Variants in KIT observed in about 807,000 individuals in gnomAD.
KIT encodes mast/stem cell growth factor receptor Kit.
In KIT, 16 loss-of-function variants were observed where a neutral mutation model predicts 105.7. That is an observed-to-expected ratio of 0.15 (90% CI 0.10 to 0.23). The LOEUF is 0.23. KIT is among the 10% of genes least tolerant of loss of function. KIT has a pLI of 1.00. For missense variants in KIT, 858 were observed against 1,213.8 expected (o/e 0.71, Z 4.36); for synonymous variants, 438 against 441.1 (o/e 0.99, Z 0.09).
At chr4:54,702,283 G>C (rs1430573303) in intron 4 of KIT, among the ~76,000 whole-genome samples, 2 of 151,744 alleles carry the variant, frequency 1.3e-5, no homozygotes, top group Non-Finnish European at 2.9e-5. Flanking sequence ...AAATAAAAAA[G>C]GTAAAATTGA....
intron 7 of KIT, among the ~76,000 whole-genome samples, chr4:54,715,388 G>C (rs1038151988): frequency 8.1e-4 from 112 of 138,760 alleles, no homozygotes; most frequent in African/African-American, 2.6e-3. Flanking sequence ...AAAAAAAAAT[G>C]CCCGGGGCTG....
intron 1 of KIT, 57 bp downstream of exon 1, chr4:54,658,138 G>A (rs953042257): frequency 1.3e-6 from 2 of 1,542,586 alleles, no homozygotes; most frequent in Non-Finnish European, 1.8e-6. Context: ...GCCTGTGCCT[G>A]GGAGGGTGGT....
At chr4:54,683,831 C>G (rs1719116945) in intron 1 of KIT, among the ~76,000 whole-genome samples, 1 of 152,146 alleles carries the variant, frequency 6.6e-6, no homozygotes, top group Non-Finnish European at 1.5e-5. Flanking sequence ...GAATTGGGAA[C>G]TGGTGGAAGG....
At chr4:54,715,857 G>C (rs890859260) in intron 7 of KIT, among the ~76,000 whole-genome samples, 2 of 152,130 alleles carry the variant, frequency 1.3e-5, no homozygotes, top group Admixed American at 1.3e-4. Flanking sequence ...CCTTTATCCA[G>C]AGTAAAATAA....
rs1723056214 is a variant in KIT, at chr4:54,738,484, A to G, written c.2858A>G (p.His953Arg). 6.2e-7 allele frequency: 1 copy of G among 1,614,100 alleles called. No homozygotes were observed. Among genetic ancestry groups the G allele is most frequent in the Non-Finnish European group, 8.5e-7 (1 of 1,179,978 alleles). The change falls in exon 21 of 21, where the codon CAT becomes CGT. Residue 953 changes from histidine (H) to arginine (R), a missense_variant. Physicochemically the swap from His to Arg is conservative, Grantham distance 29. This residue lies in a region of KIT where 105 missense variants were observed against 103.5 expected (regional missense o/e 1.01). Coordinates refer to ENST00000288135, the MANE Select transcript of KIT (RefSeq NM_000222.3). Reference protein sequence around the residue: ...SPNRQKPVVDHSVRINSVGST... With the variant: ...SPNRQKPVVDRSVRINSVGST... ...AACCGACAGAAGCCCGTGGTAGACC[A>G]TTCTGTGCGGATCAATTCTGTCGGC...
At position 54,657,973 on chromosome 4, in the gene KIT, T is replaced by C. The variant is rs1716929839; in HGVS notation, c.-42T>C. The C allele has an allele frequency of 2.5e-6, 4 of 1,604,610 alleles. No individual in the cohort carries two copies. The highest frequency in any genetic ancestry group is 3.4e-6 in the Non-Finnish European group (4 of 1,172,720). Reference sequence around the variant, plus strand: ...GCGCTCGCTGCACTTGGGCGAGAGCTGGAACGTGGACCAGAGCTCGGATCC... The same window carrying C: ...GCGCTCGCTGCACTTGGGCGAGAGCCGGAACGTGGACCAGAGCTCGGATCC... On this transcript the variant is annotated 5_prime_UTR_variant, in exon 1 of 21. Transcript: ENST00000288135.
intron 8 of KIT, among the ~76,000 whole-genome samples, chr4:54,724,716 C>G (rs1306707094): frequency 6.6e-6 from 1 of 151,138 alleles, no homozygotes; most frequent in Non-Finnish European, 1.5e-5. Context: ...TGTCTTAGGC[C>G]ACACATAAAA....
At chr4:54,661,051 G>A (rs1717223804) in intron 1 of KIT, among the ~76,000 whole-genome samples, 1 of 152,154 alleles carries the variant, frequency 6.6e-6, no homozygotes, top group Non-Finnish European at 1.5e-5. Context: ...TGGCTTAGTT[G>A]TTAGCTATCT....
chr4:54,692,170 C>T (rs781411131), intron 1 of KIT, among the ~76,000 whole-genome samples: 9 of 152,192 alleles, frequency 5.9e-5, no homozygotes, highest in Non-Finnish European at 1.2e-4. Flanking sequence ...CAGGGTTACA[C>T]ACTCAGTGGC....
At position 54,731,397 on chromosome 4, in the gene KIT, C is replaced by T. The variant is rs1578000523; in HGVS notation, c.2211C>T (p.Asp737=). 1.2e-6 allele frequency: 2 copies of T among 1,612,878 alleles called. No homozygotes were observed. The highest frequency in any genetic ancestry group is 1.7e-6 in the Non-Finnish European group (2 of 1,179,018). ...CTTATGTTGTCCCAACCAAGGCCGA[C>T]AAAAGGAGATCTGTGAGAATAGGTG... is the stretch of plus-strand genomic sequence containing the variant. ...GVSYVVPTKA[D]KRRSVRIGSY... Residue 737 remains aspartate (D), a synonymous_variant, in exon 15 of 21, where the codon GAC becomes GAT. Transcript: ENST00000288135.
At chr4:54,673,026 A>C (rs1404552254) in intron 1 of KIT, among the ~76,000 whole-genome samples, 1 of 152,180 alleles carries the variant, frequency 6.6e-6, no homozygotes, top group African/African-American at 2.4e-5. Flanking sequence ...CTTATTTTCT[A>C]TCCCTCAAAT....
intron 13 of KIT, 128 bp downstream of exon 13, chr4:54,728,249 C>T (rs758004386): frequency 8.0e-5 from 59 of 739,812 alleles, no homozygotes; most frequent in Non-Finnish European, 1.3e-4. Context: ...GTTGTTCTCT[C>T]TTGCTAGATT....
intron 7 of KIT, among the ~76,000 whole-genome samples, chr4:54,710,625 C>G (rs1252742695): frequency 6.6e-6 from 1 of 152,026 alleles, no homozygotes; most frequent in Non-Finnish European, 1.5e-5. Context: ...TTCACTGCAA[C>G]CTCCACCTCC....
chr4:54,673,767 G>C (rs1328559459), intron 1 of KIT, among the ~76,000 whole-genome samples: 1 of 152,170 alleles, frequency 6.6e-6, no homozygotes, highest in Non-Finnish European at 1.5e-5. Context: ...AGGAGGGCCA[G>C]TGTAGATTTC....
chr4:54,682,820 C>T (rs1444734094), intron 1 of KIT, among the ~76,000 whole-genome samples: 1 of 150,742 alleles, frequency 6.6e-6, no homozygotes, highest in South Asian at 2.1e-4. Flanking sequence ...GACGCAATCT[C>T]GGCTCACTGC....
chr4:54,680,787 T>A (rs1192874387), intron 1 of KIT, among the ~76,000 whole-genome samples: 1 of 152,072 alleles, frequency 6.6e-6, no homozygotes, highest in African/African-American at 2.4e-5. Context: ...GGAAATTTGG[T>A]GATTAGTGAA....
intron 5 of KIT, among the ~76,000 whole-genome samples, chr4:54,705,186 CATT>C (rs1720711855): frequency 6.6e-6 from 1 of 152,180 alleles, no homozygotes; most frequent in African/African-American, 2.4e-5. Context: ...GTTTTGAGAA[CATT>C]GTTGTATGTA....
At chr4:54,680,507 T>C (rs1718830992) in intron 1 of KIT, among the ~76,000 whole-genome samples, 1 of 150,378 alleles carries the variant, frequency 6.6e-6, no homozygotes, top group Admixed American at 6.6e-5. Flanking sequence ...TTCTCCTGCC[T>C]CAGCCTGCCG....
At chr4:54,715,542 A>G (rs1577977449) in intron 7 of KIT, among the ~76,000 whole-genome samples, 1 of 151,984 alleles carries the variant, frequency 6.6e-6, no homozygotes, top group Non-Finnish European at 1.5e-5. Context: ...GAGAGGAGGA[A>G]AGAGAGAGAG....
Sources: allele counts gnomAD v4.1 joint callset (sites outside exome capture counted in the v4.1 genomes callset), GRCh38; gene constraint gnomAD v4.1.1; regional missense constraint gnomAD v4.1.1; transcripts MANE v1.5; gene names NCBI Gene and HGNC (gene_info 2026-07-23, HGNC 2026-07-21).